Variants in BMPR2 observed in about 807,000 individuals in gnomAD.
BMPR2 encodes bone morphogenetic protein receptor type 2.
BMPR2 carries 29 observed loss-of-function variants against 100.8 expected under a neutral mutation model. That is an observed-to-expected ratio of 0.29 (90% CI 0.21 to 0.39). The LOEUF is 0.39. BMPR2 is among the 10% of genes least tolerant of loss of function. The pLI is 1.00. For synonymous variants in BMPR2, 382 were observed against 442.3 expected, an observed-to-expected ratio of 0.86 and a Z score of 1.71; for missense variants, 1,011 against 1,274.5, an observed-to-expected ratio of 0.79 and a Z score of 3.15.
intron 1 of BMPR2, among the ~76,000 whole-genome samples, chr2:202,409,972 A>C (rs1484818282): frequency 6.6e-6 from 1 of 152,038 alleles, no homozygotes; most frequent in Non-Finnish European, 1.5e-5. Context: ...ATAGTGCCCC[A>C]GATCTTGATT....
At chr2:202,530,671 CTTTT>C in intron 7 of BMPR2, 119 bp from the exon 8 acceptor site, 4 of 671,216 alleles carry the variant, frequency 6.0e-6, no homozygotes, top group East Asian at 2.7e-5. Flanking sequence ...TCCGATTTCT[CTTTT>C]TTTGTTATTA....
rs1491256415 is a variant in BMPR2, at chr2:202,490,390, C to CGTGT, written c.418+22701_418+22702insGTGT. 1.2e-4 allele frequency among the ~76,000 whole-genome samples: 18 copies of CGTGT among 152,168 alleles called. No individual in the cohort carries two copies. In the East Asian group the frequency reaches 1.7e-3, roughly 15 times the overall value. On this transcript the variant is annotated intron_variant, in intron 3 of 12. Coordinates refer to ENST00000374580, the MANE Select transcript of BMPR2 (RefSeq NM_001204.7). ...AAAGATATGTATATATACACAAATG[C>CGTGT]ACACACACAAGTATGTATTGGAACC...
chr2:202,446,489 G>A (rs1054687840), intron 1 of BMPR2, among the ~76,000 whole-genome samples: 2 of 150,150 alleles, frequency 1.3e-5, no homozygotes, highest in African/African-American at 2.5e-5. Flanking sequence ...TTTTATGTTC[G>A]CTTGTGTTTT....
chr2:202,383,693 AAAAC>A (rs932336436), intron 1 of BMPR2, among the ~76,000 whole-genome samples: 1 of 151,574 alleles, frequency 6.6e-6, no homozygotes, highest in African/African-American at 2.4e-5. Flanking sequence ...AAAAAAGAAA[AAAAC>A]AAAATTAGCC....
chr2:202,388,159 G>T (rs1690468665), intron 1 of BMPR2, among the ~76,000 whole-genome samples: 1 of 151,990 alleles, frequency 6.6e-6, no homozygotes, highest in African/African-American at 2.4e-5. Flanking sequence ...CACTTTGGGA[G>T]GCCGAGGTGG....
intron 1 of BMPR2, among the ~76,000 whole-genome samples, chr2:202,440,507 CT>C (rs1559039210): frequency 6.8e-6 from 1 of 148,062 alleles, no homozygotes; most frequent in Non-Finnish European, 1.5e-5. Context: ...AGAGGGGCTC[CT>C]CACATCCCAG....
chr2:202,485,682 G>A (rs554200480), intron 3 of BMPR2, among the ~76,000 whole-genome samples: 1 of 151,264 alleles, frequency 6.6e-6, no homozygotes, highest in East Asian at 1.9e-4. Context: ...GAGTAGCTGG[G>A]ACTACAGTTG....
chr2:202,416,329 G>A (rs1691124523), intron 1 of BMPR2, among the ~76,000 whole-genome samples: 1 of 151,466 alleles, frequency 6.6e-6, no homozygotes, highest in South Asian at 2.1e-4. Context: ...CAATGGCGTG[G>A]TCACAGCTCA....
chr2:202,555,970 C>T lies in BMPR2; in HGVS notation c.2305C>T (p.Pro769Ser), dbSNP rs778267885. The T allele has an allele frequency of 2.5e-6, 4 of 1,614,124 alleles. No homozygotes were observed. Among genetic ancestry groups the T allele is most frequent in the Non-Finnish European group, 2.5e-6 (3 of 1,180,012 alleles). ...PLNTKNSTKE[P>S]RLKFGSKHKS... ...GAACACCAAAAATTCAACAAAAGAG[C>T]CCCGGCTAAAATTTGGCAGCAAGCA... The change falls in exon 12 of 13, where the codon CCC (proline) becomes TCC (serine). Residue 769 changes from proline (P) to serine (S), a missense_variant. By Grantham distance (74) the Pro-to-Ser change is moderately conservative (BLOSUM62 -1). Around this residue, in one of 6 missense-constraint regions of BMPR2, gnomAD observed 508 missense variants for 552.0 expected, o/e 0.92. Transcript: ENST00000374580.
intron 3 of BMPR2, among the ~76,000 whole-genome samples, chr2:202,494,833 G>A (rs1692988211): frequency 6.6e-6 from 1 of 152,156 alleles, no homozygotes; most frequent in African/African-American, 2.4e-5. Flanking sequence ...AGTTTTTCAG[G>A]GATCTCATAT....
intron 1 of BMPR2, among the ~76,000 whole-genome samples, chr2:202,414,978 T>C (rs1223882232): frequency 6.6e-6 from 1 of 151,886 alleles, no homozygotes; most frequent in Admixed American, 6.6e-5. Context: ...GTGATCCGCT[T>C]CCCTTGGCCT....
At chr2:202,466,380 G>T (rs1476790934) in intron 2 of BMPR2, among the ~76,000 whole-genome samples, 1 of 151,690 alleles carries the variant, frequency 6.6e-6, no homozygotes, top group Non-Finnish European at 1.5e-5. Flanking sequence ...TCCGCCTCCC[G>T]GGTTCAAGCG....
chr2:202,502,087 A>G (rs536068305), intron 3 of BMPR2, among the ~76,000 whole-genome samples: 29 of 152,370 alleles, frequency 1.9e-4, no homozygotes, highest in African/African-American at 6.7e-4. Flanking sequence ...CCTGAGCCTT[A>G]GAACTGGGAA....
At chr2:202,559,669 C>T in intron 12 of BMPR2, 27 bp from the exon 13 acceptor site, 1 of 1,612,160 alleles carries the variant, frequency 6.2e-7, no homozygotes, top group Non-Finnish European at 8.5e-7. Flanking sequence ...TGTTAAATAG[C>T]TCATTTTTCT....
At chr2:202,421,971 C>T (rs974952959) in intron 1 of BMPR2, among the ~76,000 whole-genome samples, 2 of 152,056 alleles carry the variant, frequency 1.3e-5, no homozygotes, top group South Asian at 2.1e-4. Flanking sequence ...TGCAGTGGTG[C>T]GATCTCGGCT....
intron 3 of BMPR2, among the ~76,000 whole-genome samples, chr2:202,506,168 A>ATT (rs71406985): frequency 3.5e-4 from 52 of 150,418 alleles, no homozygotes; most frequent in African/African-American, 1.2e-3. Context: ...TAATTAATTA[A>ATT]TTTTTTTTTT....
At chr2:202,525,857 CTTTTTTTTTTTT>C (rs386392340) in intron 7 of BMPR2, among the ~76,000 whole-genome samples, 5 of 69,362 alleles carry the variant, frequency 7.2e-5, no homozygotes, top group Non-Finnish European at 9.8e-5. Context: ...TTCAGAGCAT[CTTTTTTTTTTTT>C]TTTTTTTTTT....
intron 1 of BMPR2, among the ~76,000 whole-genome samples, chr2:202,425,569 A>T (rs1414565308): frequency 6.6e-6 from 1 of 152,222 alleles, no homozygotes. Context: ...GCTTTAGGCT[A>T]AACTTTATTT....
chr2:202,487,347 G>A (rs1306635808), intron 3 of BMPR2, among the ~76,000 whole-genome samples: 1 of 152,110 alleles, frequency 6.6e-6, no homozygotes, highest in East Asian at 1.9e-4. Context: ...TGAGAATTCT[G>A]TATAATGAAT....
Sources: gnomAD v4.1 joint callset for allele counts (sites outside exome capture counted in the v4.1 genomes callset) on GRCh38, gnomAD v4.1.1 for gene constraint, gnomAD v4.1.1 regional missense constraint, MANE v1.5 for transcripts, NCBI Gene and HGNC (gene_info 2026-07-23, HGNC 2026-07-21) for gene names.